SPOUT1: variants seen among roughly 807,000 people sequenced by gnomAD.
SPOUT1 encodes SPOUT domain containing methyltransferase 1.
Under a neutral mutation model 54.8 loss-of-function variants are expected in SPOUT1, and 40 were observed. The ratio of observed to expected loss-of-function variants is 0.73; its 90% CI spans 0.57 to 0.95. SPOUT1 has a LOEUF of 0.95. Ranked by LOEUF, SPOUT1 falls within the 40% of genes least tolerant of loss-of-function variation. The pLI is 0.00. For missense variants in SPOUT1, 437 were observed against 499.5 expected (o/e 0.87, Z 1.19); for synonymous variants, 193 against 200.3 (o/e 0.96, Z 0.31).
chr9:128,829,209 G>C (rs1431465319), intron 1 of SPOUT1, 54 bp from the exon 2 acceptor site: 23 of 1,468,898 alleles, frequency 1.6e-5, no homozygotes, highest in Non-Finnish European at 2.2e-5. Context: ...GTCACACCTG[G>C]AGGGGGTCCG....
chr9:128,822,594 C>A lies in SPOUT1; in HGVS notation c.*171G>T, dbSNP rs140555834. ...CGGGCAGGCAGCCTCAAGGCCATCA[C>A]GGCGGGCAGTAAGTGAGGGTGGAGC... On this transcript the variant is annotated 3_prime_UTR_variant, in exon 12 of 12. Transcript: ENST00000361256. The A allele has an allele frequency of 2.5e-5, 40 of 1,569,428 alleles. No homozygotes were observed. In the African/African-American group the frequency reaches 5.4e-4, roughly 21 times the overall value.
At position 128,826,266 on chromosome 9, in the gene SPOUT1, C is replaced by A; in HGVS notation, c.509-114G>T. 2 of 1,556,604 alleles carry A rather than the reference C, an allele frequency of 1.3e-6. No homozygotes were observed. Among genetic ancestry groups the A allele is most frequent in the Non-Finnish European group, 1.8e-6 (2 of 1,132,554 alleles). ...CAGACCTGCGTCTTGGCATCAGACA[C>A]AGGTCTTGCTCTCCCAGGCCTGCTT... is the stretch of plus-strand genomic sequence containing the variant. On this transcript the variant is annotated intron_variant, in intron 6 of 11. Coordinates refer to ENST00000361256, the MANE Select transcript of SPOUT1 (RefSeq NM_016390.4). The surrounding 1 kb of genome is among the most constrained non-coding windows in gnomAD (Gnocchi z 5.5).
Position 128,826,920 on chromosome 9 carries a change from A to G in SPOUT1, c.368+112T>C. The G allele has an allele frequency of 8.9e-7, 1 of 1,126,204 alleles. No individual in the cohort carries two copies. The highest frequency in any genetic ancestry group is 1.4e-5 in the South Asian group (1 of 71,636). 69.8% of individuals were successfully genotyped at this position (1,126,204 alleles called of 1,614,324 possible). ...GGATTACACAGGGAATATTTCAGGC[A>G]GGGCACGAGGGAAGAGCCAGGCATG... is the stretch of plus-strand genomic sequence containing the variant. On this transcript the variant is annotated intron_variant, in intron 4 of 11. Transcript: ENST00000361256. This position sits in a 1 kb window ranked among gnomAD's most constrained non-coding sequence, Gnocchi z 5.5.
In SPOUT1 at chr9:128,826,004, C is replaced by T. The variant is rs1316988802; in HGVS notation, c.639+18G>A. On this transcript the variant is annotated intron_variant, in intron 7 of 11. Transcript: ENST00000361256. This position sits in a 1 kb window ranked among gnomAD's most constrained non-coding sequence, Gnocchi z 5.5. ...GTGTGTCCTGGAGGTGTGTCCTAGC[C>T]CATCTTTCTGTTCCTACCTTTTTCA... 4 of 1,613,936 alleles carry T rather than the reference C, an allele frequency of 2.5e-6. No individual in the cohort carries two copies. Among genetic ancestry groups the T allele is most frequent in the African/African-American group, 2.7e-5 (2 of 74,906 alleles).
At position 128,822,298 on chromosome 9, in the gene SPOUT1, C is replaced by T. The variant is rs993517125; in HGVS notation, c.*467G>A. 3.1e-6 allele frequency: 5 copies of T among 1,603,112 alleles called. No individual in the cohort carries two copies. The African/African-American group carries it at 5.4e-5, about 17-fold the overall frequency. ...GTGGCTTTGGGTTCATCCAGGCCCCCTGCCCACGTGTGCCTGGGTCTGCCC... is the reference window on the plus strand; with the variant it reads ...GTGGCTTTGGGTTCATCCAGGCCCCTTGCCCACGTGTGCCTGGGTCTGCCC... On this transcript the variant is annotated 3_prime_UTR_variant, in exon 12 of 12. Coordinates refer to ENST00000361256, the MANE Select transcript of SPOUT1 (RefSeq NM_016390.4).
chr9:128,826,584 C>A lies in SPOUT1; in HGVS notation c.414G>T (p.Ala138=). 3.7e-6 allele frequency: 6 copies of A among 1,603,352 alleles called. No individual in the cohort carries two copies. Among genetic ancestry groups the A allele is most frequent in the Non-Finnish European group, 5.1e-6 (6 of 1,174,112 alleles). ...GCAGGATCCGGGCCAGCTGTACGCA[C>A]GCCTGCCCCTTCTTCCCAACTCCTG... The part of the protein sequence containing the change: ...EFTGVGKKGQ[A]CVQLARILQY... Residue 138 remains alanine (A), a synonymous_variant, in exon 5 of 12, where the codon GCG becomes GCT. Transcript: ENST00000361256. This position sits in a 1 kb window ranked among gnomAD's most constrained non-coding sequence, Gnocchi z 5.5.
In SPOUT1 at chr9:128,820,753, C is replaced by A; in HGVS notation, c.*2012G>T. Reference sequence around the variant, plus strand: ...TCTCCTACCAGGTGCCCCACCTCAACCAGAATGCCTGGAACAACCTGGAGA... The same window carrying A: ...TCTCCTACCAGGTGCCCCACCTCAAACAGAATGCCTGGAACAACCTGGAGA... On this transcript the variant is annotated 3_prime_UTR_variant, in exon 12 of 12. Coordinates refer to ENST00000361256, the MANE Select transcript of SPOUT1 (RefSeq NM_016390.4). 1 of 1,611,020 alleles carries A rather than the reference C, an allele frequency of 6.2e-7. No homozygotes were observed. Among genetic ancestry groups the A allele is most frequent in the Non-Finnish European group, 8.5e-7 (1 of 1,178,536 alleles).
chr9:128,822,601 CAGTA>C lies in SPOUT1; in HGVS notation c.*160_*163del, dbSNP rs864309587. The C allele has an allele frequency of 2.2e-3, 3,381 of 1,569,174 alleles. 21 individuals carry two copies. The Middle Eastern group carries it at 0.023, about 11-fold the overall frequency. On this transcript the variant is annotated 3_prime_UTR_variant, in exon 12 of 12. Coordinates refer to ENST00000361256, the MANE Select transcript of SPOUT1 (RefSeq NM_016390.4). ...GCAGCCTCAAGGCCATCACGGCGGGCAGTAAGTGAGGGTGGAGCCCAGTGAGACT... is the reference window on the plus strand; with the variant it reads ...GCAGCCTCAAGGCCATCACGGCGGGCAGTGAGGGTGGAGCCCAGTGAGACT...
rs993045623 is a variant in SPOUT1, at chr9:128,820,616, T to C, written c.*2149A>G. The C allele has an allele frequency of 1.3e-6, 1 of 771,784 alleles. No homozygotes were observed. Among genetic ancestry groups the C allele is most frequent in the African/African-American group, 1.7e-5 (1 of 57,464 alleles). The allele number at this position is 771,784 out of a possible 1,614,324, so 47.8% of individuals were successfully genotyped here. On this transcript the variant is annotated 3_prime_UTR_variant, in exon 12 of 12. Transcript: ENST00000361256. ...GACTTTCATTCCTTGAGCCTCAGTT[T>C]CCCCCCGCTTGTCTCACTGGATATC...
rs533766162 is a variant in SPOUT1 at position 128,829,451 on chromosome 9, C to T, written c.36+294G>A. 2.0e-5 allele frequency among the ~76,000 whole-genome samples: 3 copies of T among 152,298 alleles called. No homozygotes were observed. In the South Asian group the frequency reaches 6.2e-4, roughly 32 times the overall value. ...CACTGCCCACAGTCGCCCTGGAAGTCAGAAAAGGGCTCCAGAAGCCACGAA... is the reference window on the plus strand; with the variant it reads ...CACTGCCCACAGTCGCCCTGGAAGTTAGAAAAGGGCTCCAGAAGCCACGAA... On this transcript the variant is annotated intron_variant, in intron 1 of 11. Coordinates refer to ENST00000361256, the MANE Select transcript of SPOUT1 (RefSeq NM_016390.4).
chr9:128,820,578 G>C lies in SPOUT1; in HGVS notation c.*2187C>G, dbSNP rs1295733567. ...GGTGGCTAGCACTCTATCAGCCCTG[G>C]GTTTCAGGGAGTGACTTTCATTCCT... On this transcript the variant is annotated 3_prime_UTR_variant, in exon 12 of 12. Coordinates refer to ENST00000361256, the MANE Select transcript of SPOUT1 (RefSeq NM_016390.4). The C allele has an allele frequency of 1.6e-6, 1 of 638,864 alleles. No individual in the cohort carries two copies. The highest frequency in any genetic ancestry group is 2.8e-6 in the Non-Finnish European group (1 of 359,560). The allele number at this position is 638,864 out of a possible 1,614,324, so 39.6% of individuals were successfully genotyped here.
At position 128,826,938 on chromosome 9, in the gene SPOUT1, C is replaced by T; in HGVS notation, c.368+94G>A. The T allele has an allele frequency of 7.6e-7, 1 of 1,308,734 alleles. No individual in the cohort carries two copies. The highest frequency in any genetic ancestry group is 1.1e-6 in the Non-Finnish European group (1 of 930,288). The allele number at this position is 1,308,734 out of a possible 1,614,324, so 81.1% of individuals were successfully genotyped here. On this transcript the variant is annotated intron_variant, in intron 4 of 11. Coordinates refer to ENST00000361256, the MANE Select transcript of SPOUT1 (RefSeq NM_016390.4). This position sits in a 1 kb window ranked among gnomAD's most constrained non-coding sequence, Gnocchi z 5.5. Reference sequence around the variant, plus strand: ...TTCAGGCAGGGCACGAGGGAAGAGCCAGGCATGTGGACGGGGCCATGGTGA... The same window carrying T: ...TTCAGGCAGGGCACGAGGGAAGAGCTAGGCATGTGGACGGGGCCATGGTGA...
chr9:128,826,093 G>A lies in SPOUT1; in HGVS notation c.568C>T (p.Arg190Ter), dbSNP rs778370460. The change falls in exon 7 of 12, where the codon CGA (arginine) becomes TGA (stop). Residue 190 changes from arginine to a stop codon, truncating the protein, a stop_gained. Transcript: ENST00000361256. LOFTEE classifies it high-confidence loss of function. This position sits in a 1 kb window ranked among gnomAD's most constrained non-coding sequence, Gnocchi z 5.5. ...GGCCGATCCACCACGATGCCCTCTC[G>A]GAACTCGGATTCCTCATCCTGACGC... ...HMRQDEESEFREGIVVDRPTR... is the reference protein window; with the variant it reads ...HMRQDEESEF The A allele has an allele frequency of 3.0e-5, 48 of 1,613,904 alleles. No individual in the cohort carries two copies. Among genetic ancestry groups the A allele is most frequent in the Non-Finnish European group, 3.8e-5 (45 of 1,179,862 alleles).
chr9:128,826,905 G>T lies in SPOUT1; in HGVS notation c.368+127C>A. The T allele has an allele frequency of 9.8e-7, 1 of 1,022,176 alleles. No individual in the cohort carries two copies. The highest frequency in any genetic ancestry group is 2.4e-5 in the East Asian group (1 of 41,698). The allele number at this position is 1,022,176 out of a possible 1,614,324, so 63.3% of individuals were successfully genotyped here. ...AACTCTACCCACTAAGGATTACACA[G>T]GGAATATTTCAGGCAGGGCACGAGG... On this transcript the variant is annotated intron_variant, in intron 4 of 11. Coordinates refer to ENST00000361256, the MANE Select transcript of SPOUT1 (RefSeq NM_016390.4). The surrounding 1 kb of genome is among the most constrained non-coding windows in gnomAD (Gnocchi z 5.5).
At position 128,826,086 on chromosome 9, in the gene SPOUT1, C is replaced by T; in HGVS notation, c.575G>A (p.Gly192Asp). Reference protein sequence around the residue: ...RQDEESEFREGIVVDRPTRPG... With the variant: ...RQDEESEFREDIVVDRPTRPG... ...CCGGGTGGGCCGATCCACCACGATGCCCTCTCGGAACTCGGATTCCTCATC... is the reference window on the plus strand; with the variant it reads ...CCGGGTGGGCCGATCCACCACGATGTCCTCTCGGAACTCGGATTCCTCATC... Residue 192 changes from glycine (G) to aspartate (D), a missense_variant, in exon 7 of 12, where the codon GGC becomes GAC. Transcript: ENST00000361256. This position sits in a 1 kb window ranked among gnomAD's most constrained non-coding sequence, Gnocchi z 5.5. 6 of 1,613,922 alleles carry T rather than the reference C, an allele frequency of 3.7e-6. No individual in the cohort carries two copies. Among genetic ancestry groups the T allele is most frequent in the Non-Finnish European group, 4.2e-6 (5 of 1,179,858 alleles).
chr9:128,827,176 A>T lies in SPOUT1; in HGVS notation c.224T>A (p.Leu75Gln). ...EKEDRGRPYTLSVALPGSILD... is the reference protein window; with the variant it reads ...EKEDRGRPYTQSVALPGSILD... ...GATGGAGCCCGGCAGGGCTACGCTC[A>T]GTGTGTAGGGCCGCCCTGAGCAGGG... Residue 75 changes from leucine to glutamine, a missense_variant, in exon 4 of 12, where the codon CTG becomes CAG. By Grantham distance (113) the Leu-to-Gln change is moderately radical (BLOSUM62 -2). Coordinates refer to ENST00000361256, the MANE Select transcript of SPOUT1 (RefSeq NM_016390.4). The T allele has an allele frequency of 1.2e-6, 2 of 1,613,160 alleles. No homozygotes were observed. The highest frequency in any genetic ancestry group is 1.7e-6 in the Non-Finnish European group (2 of 1,179,886).
intron 1 of SPOUT1, 152 bp downstream of exon 1, chr9:128,829,593 G>A: frequency 1.6e-6 from 1 of 633,938 alleles, no homozygotes; most frequent in Non-Finnish European, 2.7e-6. Flanking sequence ...ATCCTGCTGA[G>A]GCTCACGCGG....
chr9:128,820,758 A>G lies in SPOUT1; in HGVS notation c.*2007T>C. 6.2e-7 allele frequency: 1 copy of G among 1,611,480 alleles called. No individual in the cohort carries two copies. The highest frequency in any genetic ancestry group is 8.5e-7 in the Non-Finnish European group (1 of 1,178,776). On this transcript the variant is annotated 3_prime_UTR_variant, in exon 12 of 12. Coordinates refer to ENST00000361256, the MANE Select transcript of SPOUT1 (RefSeq NM_016390.4). ...TACCAGGTGCCCCACCTCAACCAGA[A>G]TGCCTGGAACAACCTGGAGAAATAT...
intron 1 of SPOUT1, among the ~76,000 whole-genome samples, chr9:128,829,459 G>A (rs1031222787): frequency 2.6e-5 from 4 of 152,148 alleles, no homozygotes; most frequent in African/African-American, 4.8e-5. Context: ...GTCAGAAAAG[G>A]GCTCCAGAAG....
Sources: gnomAD v4.1 joint callset for allele counts (sites outside exome capture counted in the v4.1 genomes callset) on GRCh38, gnomAD v4.1.1 for gene constraint, Gnocchi (gnomAD v3.1) non-coding constraint, MANE v1.5 for transcripts, NCBI Gene and HGNC (gene_info 2026-07-23, HGNC 2026-07-21) for gene names.